FAXDC2: variants seen among roughly 807,000 people sequenced by gnomAD.
FAXDC2 encodes fatty acid hydroxylase domain containing 2.
In FAXDC2, 41 loss-of-function variants were observed where a neutral mutation model predicts 40.9. The ratio of observed to expected loss-of-function variants is 1.00; its 90% confidence interval spans 0.78 to 1.30. The LOEUF is 1.30. Among genes scored for constraint, FAXDC2 ranks in the 50% most tolerant of loss-of-function variants. The pLI, the probability that FAXDC2 is intolerant of heterozygous loss-of-function variation, is 0.00. For missense variants in FAXDC2, 390 were observed against 408.8 expected (o/e 0.95, Z 0.40); for synonymous variants, 157 against 149.3 (o/e 1.05, Z -0.38).
chr5:154,849,247 T>G (rs1760677763), intron 1 of FAXDC2, among the ~76,000 whole-genome samples: 1 of 152,062 alleles, frequency 6.6e-6, no homozygotes, highest in African/African-American at 2.4e-5. Context: ...GCCACTGTAC[T>G]CCAGCCTGGG....
rs190927180 is a variant in FAXDC2 at position 154,823,520 on chromosome 5, C to A, written c.439G>T (p.Val147Leu). The A allele has an allele frequency of 2.5e-6, 4 of 1,614,146 alleles. No individual in the cohort carries two copies. Among genetic ancestry groups the A allele is most frequent in the Middle Eastern group, 1.7e-4 (1 of 6,056 alleles). Residue 147 changes from valine (V) to leucine (L), a missense_variant, in exon 6 of 9, where the codon GTG becomes TTG. Val to Leu is a conservative substitution (Grantham distance 32). Coordinates refer to ENST00000326080, the MANE Select transcript of FAXDC2 (RefSeq NM_032385.5). ...TTGAGGAAGGGATAGAGGAAGACCA[C>A]CATGGGGAAAGATATCATGCACTGG... ...FNQCMISFPM[V>L]VFLYPFLKWW...
At chr5:154,836,465 A>T (rs947317738) in intron 2 of FAXDC2, 1 of 152,210 alleles carries the variant, frequency 6.6e-6, no homozygotes, top group African/African-American at 2.4e-5. Context: ...CAGGAATTAC[A>T]GATGACCCAC....
intron 5 of FAXDC2, among the ~76,000 whole-genome samples, chr5:154,828,771 A>AATTATTATTTTAATT (rs1760109352): frequency 6.6e-6 from 1 of 151,022 alleles, no homozygotes; most frequent in Non-Finnish European, 1.5e-5. Flanking sequence ...TAATTAAAAT[A>AATTATTATTTTAATT]ATTTTTTTTG....
chr5:154,821,564 G>A (rs1324708966), intron 7 of FAXDC2, 138 bp from the exon 8 acceptor site: 12 of 627,410 alleles, frequency 1.9e-5, no homozygotes, highest in Non-Finnish European at 2.9e-5. Context: ...TCGGGACTTT[G>A]ATTTGTTGAA....
chr5:154,834,915 G>C lies in FAXDC2; in HGVS notation c.68C>G (p.Ser23Cys). Residue 23 changes from serine to cysteine, a missense_variant, in exon 3 of 9, where the codon TCT (serine) becomes TGT (cysteine). Ser to Cys is a moderately radical substitution (Grantham distance 112). Coordinates refer to ENST00000326080, the MANE Select transcript of FAXDC2 (RefSeq NM_032385.5). ...KSKQEGHIWG[S>C]MRRTAFILGS... ...CAGGATGAAAGCTGTCCTCCTCATA[G>C]AGCCCCAGATGTGTCCCTCCTGGAG... is the stretch of plus-strand genomic sequence containing the variant. The C allele has an allele frequency of 6.2e-7, 1 of 1,603,072 alleles. No homozygotes were observed.
chr5:154,838,451 CT>C (rs947843940), intron 1 of FAXDC2: 2 of 423,792 alleles, frequency 4.7e-6, no homozygotes, highest in African/African-American at 4.2e-5. Context: ...TATGATAATG[CT>C]TTTTTAAGAG....
rs1759865116 is a variant in FAXDC2 at position 154,820,749 on chromosome 5, T to G, written c.846-277A>C. The G allele has an allele frequency of 1.8e-5, 6 of 331,432 alleles. No homozygotes were observed. In the South Asian group the frequency reaches 3.8e-4, roughly 21 times the overall value. 20.5% of individuals were successfully genotyped at this position (331,432 alleles called of 1,614,324 possible). A position where few individuals can be genotyped will look rare whatever the true frequency, so the allele number is the denominator to read the frequency against. On this transcript the variant is annotated intron_variant, in intron 8 of 8. Coordinates refer to ENST00000326080, the MANE Select transcript of FAXDC2 (RefSeq NM_032385.5). ...TGAGAATCTCTAGCAGAACTAGGCT[T>G]CTTCAGGTATGAGATCACCAGCATC... is the stretch of plus-strand genomic sequence containing the variant.
At chr5:154,842,520 T>TG (rs1467055828) in intron 1 of FAXDC2, among the ~76,000 whole-genome samples, 6,003 of 118,590 alleles carry the variant, frequency 0.051, 329 homozygotes, top group African/African-American at 0.13. Flanking sequence ...GTGTTTTTTT[T>TG]TTTTTTTTTT....
At position 154,820,196 on chromosome 5, in the gene FAXDC2, A is replaced by C; in HGVS notation, c.*120T>G. 1.3e-6 allele frequency: 1 copy of C among 797,564 alleles called. No homozygotes were observed. Among genetic ancestry groups the C allele is most frequent in the Non-Finnish European group, 2.0e-6 (1 of 496,838 alleles). The allele number at this position is 797,564 out of a possible 1,614,324, so 49.4% of individuals were successfully genotyped here. A position where few individuals can be genotyped will look rare whatever the true frequency, so the allele number is the denominator to read the frequency against. On this transcript the variant is annotated 3_prime_UTR_variant, in exon 9 of 9. Coordinates refer to ENST00000326080, the MANE Select transcript of FAXDC2 (RefSeq NM_032385.5). ...TTTCCGGGAAGCCGACCTTCCCTCT[A>C]CCCTGGTGGTGCCATCATTAGGGCG... is the stretch of plus-strand genomic sequence containing the variant.
intron 1 of FAXDC2, among the ~76,000 whole-genome samples, chr5:154,845,972 A>G (rs1048785545): frequency 1.3e-5 from 2 of 150,180 alleles, no homozygotes; most frequent in Non-Finnish European, 3.0e-5. Flanking sequence ...ATATATATAT[A>G]TATTTTTTTT....
chr5:154,844,034 C>T (rs2113168943), intron 1 of FAXDC2, among the ~76,000 whole-genome samples: 1 of 152,208 alleles, frequency 6.6e-6, no homozygotes, highest in Non-Finnish European at 1.5e-5. Flanking sequence ...GCCTGGCCAA[C>T]ATGGCAAAAC....
chr5:154,830,841 A>G lies in FAXDC2; in HGVS notation c.326T>C (p.Phe109Ser). The G allele has an allele frequency of 6.2e-7, 1 of 1,614,048 alleles. No individual in the cohort carries two copies. The highest frequency in any genetic ancestry group is 2.2e-5 in the East Asian group (1 of 44,894). ...GACCTGAATTCGGTAGCGAGAGATG[A>G]AGTTAGGTTTTCCTGTTGTGTCAAC... The part of the protein sequence containing the change: ...LVVDTTGKPN[F>S]ISRYRIQVGK... The change falls in exon 5 of 9, where the codon TTC (phenylalanine) becomes TCC (serine). Residue 109 changes from phenylalanine to serine, a missense_variant. Transcript: ENST00000326080.
At position 154,819,655 on chromosome 5, in the gene FAXDC2, C is replaced by T. The variant is rs1467539438; in HGVS notation, c.*661G>A. 1.3e-5 allele frequency: 2 copies of T among 152,298 alleles called. No individual in the cohort carries two copies. Among genetic ancestry groups the T allele is most frequent in the East Asian group, 1.9e-4 (1 of 5,200 alleles). The allele number at this position is 152,298 out of a possible 1,614,324, so 9.4% of individuals were successfully genotyped here. A position where few individuals can be genotyped will look rare whatever the true frequency, so the allele number is the denominator to read the frequency against. The stretch of plus-strand genomic sequence containing the variant: ...GGGAGGAGCTCCTGGATTTCTTTTT[C>T]TCCCCCACAGAGGGAAACCTTTTGT... On this transcript the variant is annotated 3_prime_UTR_variant, in exon 9 of 9. Coordinates refer to ENST00000326080, the MANE Select transcript of FAXDC2 (RefSeq NM_032385.5).
At chr5:154,844,184 C>T (rs1760543198) in intron 1 of FAXDC2, among the ~76,000 whole-genome samples, 1 of 151,776 alleles carries the variant, frequency 6.6e-6, no homozygotes, top group Non-Finnish European at 1.5e-5. Flanking sequence ...CGCCACTGCA[C>T]TCCAGCCTAG....
At chr5:154,848,066 T>C (rs909849017) in intron 1 of FAXDC2, among the ~76,000 whole-genome samples, 49 of 152,160 alleles carry the variant, frequency 3.2e-4, no homozygotes, top group East Asian at 2.7e-3. Flanking sequence ...GTCTTGATCT[T>C]CTGACCTTGT....
chr5:154,832,216 G>GATTT (rs60418216), intron 4 of FAXDC2, among the ~76,000 whole-genome samples: 1 of 134,948 alleles, frequency 7.4e-6, no homozygotes, highest in Non-Finnish European at 1.6e-5. Context: ...ATTTACTTTT[G>GATTT]TTTTTTTTTT....
intron 4 of FAXDC2, chr5:154,831,277 C>G (rs1760182792): frequency 5.2e-6 from 1 of 192,044 alleles, no homozygotes; most frequent in African/African-American, 2.3e-5. Context: ...TATGAATTGC[C>G]AAGGAAGGAG....
At chr5:154,826,542 A>AAAAAG (rs1554093450) in intron 5 of FAXDC2, among the ~76,000 whole-genome samples, 2 of 151,380 alleles carry the variant, frequency 1.3e-5, no homozygotes, top group South Asian at 2.1e-4. Context: ...AAAAAAAAAA[A>AAAAAG]AAAAGAAAAG....
At chr5:154,836,435 A>G (rs1456251658) in intron 2 of FAXDC2, 1 of 152,184 alleles carries the variant, frequency 6.6e-6, no homozygotes, top group Non-Finnish European at 1.5e-5. Flanking sequence ...GTGTATCACC[A>G]ATTTCCGTTG....
Sources: gnomAD v4.1 joint callset for allele counts (sites outside exome capture counted in the v4.1 genomes callset) on GRCh38, gnomAD v4.1.1 for gene constraint, MANE v1.5 for transcripts, NCBI Gene and HGNC (gene_info 2026-07-23, HGNC 2026-07-21) for gene names.